CD55: variants seen among roughly 807,000 people sequenced by gnomAD.
CD55 encodes CD55 molecule (Cromer blood group), also known as complement decay-accelerating factor.
A neutral mutation model predicts 45.8 loss-of-function variants in CD55; 41 were observed. That is an observed-to-expected ratio of 0.90 (90% confidence interval 0.70 to 1.16). CD55 has a LOEUF of 1.16. Among genes scored for constraint, CD55 ranks in the 50% most tolerant of loss-of-function variants. The pLI, the probability that CD55 is intolerant of heterozygous loss-of-function variation, is 0.00. For missense variants in CD55, 416 were observed against 469.8 expected (o/e 0.89, Z 1.06); for synonymous variants, 181 against 181.1 (o/e 1.00, Z 0.01).
At chr1:207,339,310 G>A in intron 8 of CD55, 87 bp from the exon 9 acceptor site, 2 of 915,638 alleles carry the variant, frequency 2.2e-6, no homozygotes. Flanking sequence ...TTCTAGTGTA[G>A]TTTATTGATA....
intron 9 of CD55, 148 bp from the exon 10 acceptor site, chr1:207,359,398 A>G (rs957041314): frequency 5.9e-6 from 4 of 680,796 alleles, no homozygotes; most frequent in African/African-American, 1.8e-5. Context: ...TCCATATTCT[A>G]TTACTCATTA....
chr1:207,334,799 A>G lies in CD55; in HGVS notation c.854-1894A>G, dbSNP rs112603939. Among the ~76,000 whole-genome samples the G allele has an allele frequency of 2.0e-4, 30 of 152,310 alleles. 1 individual carries two copies. The highest frequency in any genetic ancestry group is 6.7e-4 in the African/African-American group (28 of 41,584). On this transcript the variant is annotated intron_variant, in intron 6 of 9. Transcript: ENST00000367064. ...GGAACACAGAATAGATGGGAGAAATAGAAAACTAATAAGGTTGTTGATATA... is the reference window on the plus strand; with the variant it reads ...GGAACACAGAATAGATGGGAGAAATGGAAAACTAATAAGGTTGTTGATATA...
intron 6 of CD55, among the ~76,000 whole-genome samples, chr1:207,332,770 A>T (rs781131631): frequency 6.6e-6 from 1 of 152,192 alleles, no homozygotes; most frequent in Non-Finnish European, 1.5e-5. Flanking sequence ...ATCTCAATAG[A>T]TTACCAAAAA....
intron 9 of CD55, among the ~76,000 whole-genome samples, chr1:207,357,030 C>A (rs941313724): frequency 2.0e-5 from 3 of 152,078 alleles, no homozygotes; most frequent in Admixed American, 1.3e-4. Context: ...TGTTTTAATT[C>A]TTTAGATGAT....
At chr1:207,340,208 G>A (rs1385734596) in intron 9 of CD55, among the ~76,000 whole-genome samples, 1 of 152,078 alleles carries the variant, frequency 6.6e-6, no homozygotes, top group Non-Finnish European at 1.5e-5. Flanking sequence ...GTGAGTAAGA[G>A]CATGTGATAT....
intron 9 of CD55, among the ~76,000 whole-genome samples, chr1:207,353,561 A>G (rs1655967845): frequency 6.6e-6 from 1 of 152,154 alleles, no homozygotes; most frequent in Non-Finnish European, 1.5e-5. Context: ...GTCTTATTAC[A>G]TGCCCCTATA....
chr1:207,333,255 C>T (rs1410679379), intron 6 of CD55, among the ~76,000 whole-genome samples: 1 of 152,168 alleles, frequency 6.6e-6, no homozygotes, highest in East Asian at 1.9e-4. Flanking sequence ...TAGGGAAGGA[C>T]ATTAGGTGGC....
intron 9 of CD55, among the ~76,000 whole-genome samples, chr1:207,355,010 G>C (rs1463307438): frequency 6.6e-6 from 1 of 152,132 alleles, no homozygotes; most frequent in African/African-American, 2.4e-5. Context: ...GACAGAAAGG[G>C]GGAAACCCAA....
chr1:207,354,358 TA>T (rs1656001022), intron 9 of CD55: 1 of 477,138 alleles, frequency 2.1e-6, no homozygotes, highest in Non-Finnish European at 2.7e-6. Context: ...AAATATTTGT[TA>T]AACACTTTCT....
intron 5 of CD55, among the ~76,000 whole-genome samples, chr1:207,329,886 A>G (rs566066266): frequency 6.6e-6 from 1 of 152,302 alleles, no homozygotes; most frequent in South Asian, 2.1e-4. Flanking sequence ...TTCTGGGATT[A>G]CAGGTGTGAA....
chr1:207,353,774 C>T (rs993643783), intron 9 of CD55, among the ~76,000 whole-genome samples: 2 of 152,088 alleles, frequency 1.3e-5, no homozygotes, highest in African/African-American at 4.8e-5. Context: ...TTAAAGGGTC[C>T]TGTGGATGTC....
rs576416417 is a variant in CD55, at chr1:207,331,116, T to G, written c.673T>G (p.Cys225Gly). Reference protein sequence around the residue: ...DPLPECREIYCPAPPQIDNGI... With the variant: ...DPLPECREIYGPAPPQIDNGI... ...TGGAATTGTTTTTTAAGAAATTTAT[T>G]GTCCAGCACCACCACAAATTGACAA... Residue 225 changes from cysteine to glycine, a missense_variant, in exon 6 of 10, where the codon TGT becomes GGT. Physicochemically the swap from Cys to Gly is radical, Grantham distance 159 (BLOSUM62 -3). Around this residue, in one of 3 missense-constraint regions of CD55, gnomAD observed 182 missense variants for 201.4 expected, o/e 0.90. Coordinates refer to ENST00000367064, the MANE Select transcript of CD55 (RefSeq NM_000574.5). 6.3e-7 allele frequency: 1 copy of G among 1,596,014 alleles called. No individual in the cohort carries two copies. Among genetic ancestry groups the G allele is most frequent in the Middle Eastern group, 1.7e-4 (1 of 6,010 alleles).
Position 207,341,406 on chromosome 1 carries a change from T to C in CD55, c.1081+1989T>C, listed in dbSNP as rs191935728. 3.5e-4 allele frequency among the ~76,000 whole-genome samples: 53 copies of C among 152,294 alleles called. 1 individual carries two copies. Among genetic ancestry groups the C allele is most frequent in the African/African-American group, 1.3e-3 (53 of 41,570 alleles). ...AGTATTTTTATAGTTGTGGATCTTA[T>C]GTTTAAGTTTTTAATCATCTCGATT... On this transcript the variant is annotated intron_variant, in intron 9 of 9. Coordinates refer to ENST00000367064, the MANE Select transcript of CD55 (RefSeq NM_000574.5).
Position 207,344,483 on chromosome 1 carries a change from C to T in CD55, c.1081+5066C>T, listed in dbSNP as rs60233171. Among the ~76,000 whole-genome samples, 834 of 152,234 alleles carry T rather than the reference C, an allele frequency of 5.5e-3. 8 individuals are homozygous for T. The highest frequency in any genetic ancestry group is 0.018 in the African/African-American group (758 of 41,552). ...TCTGGGAAAGACATTGTTTCTCCTT[C>T]ATTTATGAAGGATAACTTTCCTAAT... On this transcript the variant is annotated intron_variant, in intron 9 of 9. Coordinates refer to ENST00000367064, the MANE Select transcript of CD55 (RefSeq NM_000574.5).
In CD55 at chr1:207,337,360, C is replaced by A; in HGVS notation, c.1011C>A (p.Thr337=). The change falls in exon 8 of 10, where the codon ACC becomes ACA. Residue 337 remains threonine, a synonymous_variant. Coordinates refer to ENST00000367064, the MANE Select transcript of CD55 (RefSeq NM_000574.5). Reference sequence around the variant, plus strand: ...GGAGTACACCTGTTTCCAGGACAACCAAGCATTTTCATGAAACAACCCCAA... The same window carrying A: ...GGAGTACACCTGTTTCCAGGACAACAAAGCATTTTCATGAAACAACCCCAA... ...ATRSTPVSRT[T]KHFHETTPNK... is the part of the protein sequence containing the mutation. 6.2e-7 allele frequency: 1 copy of A among 1,611,664 alleles called. No individual in the cohort carries two copies. Among genetic ancestry groups the A allele is most frequent in the Non-Finnish European group, 8.5e-7 (1 of 1,177,846 alleles).
At chr1:207,332,260 C>T (rs538724474) in intron 6 of CD55, among the ~76,000 whole-genome samples, 2 of 151,912 alleles carry the variant, frequency 1.3e-5, no homozygotes, top group Non-Finnish European at 2.9e-5. Context: ...TCTAACCAGT[C>T]CTCTATTGAT....
At chr1:207,333,596 T>G (rs74810716) in intron 6 of CD55, among the ~76,000 whole-genome samples, 10,723 of 152,064 alleles carry the variant, frequency 0.071, 475 homozygotes, top group Non-Finnish European at 0.11. Flanking sequence ...CAAAACCAAA[T>G]AAAGAATATC....
At chr1:207,357,966 C>G (rs1339857113) in intron 9 of CD55, among the ~76,000 whole-genome samples, 2 of 152,188 alleles carry the variant, frequency 1.3e-5, no homozygotes, top group African/African-American at 4.8e-5. Flanking sequence ...GGGTCTCTCT[C>G]TCTCTCAAAA....
chr1:207,346,306 T>A (rs1240484611), intron 9 of CD55, among the ~76,000 whole-genome samples: 2 of 151,990 alleles, frequency 1.3e-5, no homozygotes, highest in Non-Finnish European at 2.9e-5. Context: ...CTGCTATTGG[T>A]GGTGGACTGG....
Sources: allele counts gnomAD v4.1 joint callset (sites outside exome capture counted in the v4.1 genomes callset), GRCh38; gene constraint gnomAD v4.1.1; regional missense constraint gnomAD v4.1.1; transcripts MANE v1.5; gene names NCBI Gene and HGNC (gene_info 2026-07-23, HGNC 2026-07-21).